Variants in SND1 observed in about 807,000 individuals in gnomAD.
SND1 encodes staphylococcal nuclease domain-containing protein 1.
In SND1, 38 loss-of-function variants were observed where a neutral mutation model predicts 121.7. That is an observed-to-expected ratio of 0.31 (90% CI 0.24 to 0.41). The LOEUF is 0.41. Among genes scored for constraint, SND1 ranks in the 10% least tolerant of loss-of-function variants. The pLI, the probability that SND1 is intolerant of heterozygous loss-of-function variation, is 1.00. For missense variants in SND1, 868 were observed against 1,184.6 expected, an observed-to-expected ratio of 0.73 and a Z score of 3.92; for synonymous variants, 401 against 447.4, an observed-to-expected ratio of 0.90 and a Z score of 1.31.
intron 16 of SND1, chr7:128,028,583 A>C (rs1226587967): frequency 1.8e-6 from 2 of 1,142,124 alleles, no homozygotes; most frequent in African/African-American, 3.1e-5. Flanking sequence ...TTAATATATA[A>C]GCATATACAA....
In SND1 at chr7:128,063,523, A is replaced by G. The variant is rs533290790; in HGVS notation, c.1780-10979A>G. ...TTCTCCAGTCAGTTTGGTGCCATGC[A>G]TGTACCCAAAGGTAGTATTCTGTCC... On this transcript the variant is annotated intron_variant, in intron 16 of 23. Coordinates refer to ENST00000354725, the MANE Select transcript of SND1 (RefSeq NM_014390.4). Among the ~76,000 whole-genome samples the G allele has an allele frequency of 5.9e-5, 9 of 152,328 alleles. No individual in the cohort carries two copies. In the South Asian group the frequency reaches 1.9e-3, roughly 32 times the overall value.
intron 10 of SND1, among the ~76,000 whole-genome samples, chr7:127,730,623 G>T (rs1796658548): frequency 6.6e-6 from 1 of 152,234 alleles, no homozygotes; most frequent in Non-Finnish European, 1.5e-5. Flanking sequence ...GACGCCTGTA[G>T]TTCTGCTGTA....
intron 9 of SND1, among the ~76,000 whole-genome samples, chr7:127,710,139 A>G (rs752223604): frequency 1.3e-5 from 2 of 152,164 alleles, no homozygotes. Context: ...TAAAAAATAT[A>G]TCGTGGCATG....
chr7:127,712,588 AGT>A (rs2116366869), intron 9 of SND1, among the ~76,000 whole-genome samples: 1 of 152,258 alleles, frequency 6.6e-6, no homozygotes, highest in South Asian at 2.1e-4. Flanking sequence ...GATTAGGGAG[AGT>A]GGGACTGCGG....
intron 1 of SND1, among the ~76,000 whole-genome samples, chr7:127,666,494 G>C (rs1447324836): frequency 1.3e-5 from 2 of 152,038 alleles, no homozygotes; most frequent in African/African-American, 4.8e-5. Context: ...AGTAAAGGTG[G>C]CCCCTGAGTC....
At chr7:127,834,640 G>A (rs1414639462) in intron 11 of SND1, among the ~76,000 whole-genome samples, 1 of 152,152 alleles carries the variant, frequency 6.6e-6, no homozygotes, top group Non-Finnish European at 1.5e-5. Flanking sequence ...AAGAAAGGCT[G>A]ATATTGATAC....
chr7:127,653,714 A>T (rs547721906), intron 1 of SND1, among the ~76,000 whole-genome samples: 3 of 152,306 alleles, frequency 2.0e-5, no homozygotes, highest in African/African-American at 4.8e-5. Flanking sequence ...GTGTGTGTAA[A>T]GCTGATTTTA....
intron 14 of SND1, among the ~76,000 whole-genome samples, chr7:127,905,619 A>G (rs1212675124): frequency 3.3e-5 from 5 of 152,190 alleles, no homozygotes; most frequent in African/African-American, 1.2e-4. Flanking sequence ...TGTGAAGAGA[A>G]GTAAAACTGG....
chr7:127,842,645 T>G (rs1156532846), intron 11 of SND1, among the ~76,000 whole-genome samples: 1 of 152,192 alleles, frequency 6.6e-6, no homozygotes, highest in Non-Finnish European at 1.5e-5. Flanking sequence ...TCTTTGTAAT[T>G]GTTATCTTGT....
At chr7:127,703,896 G>T (rs908782145) in intron 7 of SND1, among the ~76,000 whole-genome samples, 1 of 152,148 alleles carries the variant, frequency 6.6e-6, no homozygotes, top group Non-Finnish European at 1.5e-5. Context: ...GGTCCTAGGG[G>T]TTGCTACATT....
rs116414469 is a variant in SND1 at position 127,807,214 on chromosome 7, A to C, written c.1153-270A>C. ...CTTCTGTAATACAGTTTATGCCTCT[A>C]TGTCTGTGTTAAAGACCATTTGTTT... On this transcript the variant is annotated intron_variant, in intron 10 of 23. Transcript: ENST00000354725. Among the ~76,000 whole-genome samples the C allele has an allele frequency of 3.4e-3, 520 of 152,316 alleles. 1 individual carries two copies. Among genetic ancestry groups the C allele is most frequent in the African/African-American group, 0.011 (464 of 41,566 alleles).
intron 10 of SND1, among the ~76,000 whole-genome samples, chr7:127,744,870 G>A (rs764288321): frequency 5.3e-5 from 8 of 152,174 alleles, no homozygotes; most frequent in South Asian, 2.1e-4. Flanking sequence ...TTGCTGCTTG[G>A]AGCAAACTCT....
At chr7:127,801,802 G>A (rs537367738) in intron 10 of SND1, among the ~76,000 whole-genome samples, 114 of 152,242 alleles carry the variant, frequency 7.5e-4, no homozygotes, top group Non-Finnish European at 1.3e-3. Context: ...ATAGTGTGGG[G>A]TTTAGGATTG....
chr7:128,045,132 C>T (rs1379280849), intron 16 of SND1, among the ~76,000 whole-genome samples: 1 of 152,220 alleles, frequency 6.6e-6, no homozygotes, highest in Non-Finnish European at 1.5e-5. Flanking sequence ...GAGTAGTTAT[C>T]AGGCCAGATA....
intron 11 of SND1, among the ~76,000 whole-genome samples, chr7:127,816,519 A>G (rs977971476): frequency 1.3e-5 from 2 of 152,068 alleles, no homozygotes; most frequent in Admixed American, 6.6e-5. Flanking sequence ...AGTCCTCTGA[A>G]AGGTATTTGC....
In SND1 at chr7:127,712,932, G is replaced by A. The variant is rs1398522859; in HGVS notation, c.1038+5285G>A. On this transcript the variant is annotated intron_variant, in intron 9 of 23. Transcript: ENST00000354725. ...AGTTGAGAATTTTTTTCGTTATTTAGAAAGTGGAATAAATCTCCAAGTAAT... is the reference window on the plus strand; with the variant it reads ...AGTTGAGAATTTTTTTCGTTATTTAAAAAGTGGAATAAATCTCCAAGTAAT... Among the ~76,000 whole-genome samples, 7 of 152,258 alleles carry A rather than the reference G, an allele frequency of 4.6e-5. No individual in the cohort carries two copies. The South Asian group carries it at 1.5e-3, about 32-fold the overall frequency.
chr7:128,043,523 G>A (rs945410850), intron 16 of SND1, among the ~76,000 whole-genome samples: 6 of 151,808 alleles, frequency 4.0e-5, no homozygotes, highest in Admixed American at 6.6e-5. Context: ...GCAGTGAGCC[G>A]AGATTGTGCC....
intron 11 of SND1, among the ~76,000 whole-genome samples, chr7:127,813,592 T>C (rs1416493690): frequency 6.6e-6 from 1 of 152,114 alleles, no homozygotes; most frequent in African/African-American, 2.4e-5. Context: ...AGTTTTGCTC[T>C]TGTGGCCCAG....
chr7:127,754,694 T>C lies in SND1; in HGVS notation c.1152+33294T>C, dbSNP rs572427486. On this transcript the variant is annotated intron_variant, in intron 10 of 23. Transcript: ENST00000354725. ...AACACTACATGGCCAAGACCAGCAGTGGGTTGGGAGGTTGTTATTCTCTCC... is the reference window on the plus strand; with the variant it reads ...AACACTACATGGCCAAGACCAGCAGCGGGTTGGGAGGTTGTTATTCTCTCC... Among the ~76,000 whole-genome samples, 52 of 152,196 alleles carry C rather than the reference T, an allele frequency of 3.4e-4. No homozygotes were observed. The South Asian group carries it at 9.1e-3, about 27-fold the overall frequency.
Sources: allele counts gnomAD v4.1 joint callset (sites outside exome capture counted in the v4.1 genomes callset), GRCh38; gene constraint gnomAD v4.1.1; transcripts MANE v1.5; gene names NCBI Gene and HGNC (gene_info 2026-07-23, HGNC 2026-07-21).